VPS8: variants seen among roughly 807,000 people sequenced by gnomAD.
The protein encoded by VPS8 is VPS8 subunit of CORVET complex, also known as vacuolar protein sorting-associated protein 8 homolog.
In VPS8, 129 loss-of-function variants were observed where a neutral mutation model predicts 216.4. The observed-to-expected ratio is 0.60, with a 90% CI of 0.52 to 0.69. The LOEUF (loss-of-function observed/expected upper bound fraction) is 0.69. VPS8 is among the 30% of genes least tolerant of loss of function. The probability of loss-of-function intolerance (pLI) is 0.00; values close to 1 mark genes in which losing one functional copy is unlikely to be tolerated. For synonymous variants in VPS8, 571 were observed against 565.4 expected (o/e 1.01, Z -0.14); for missense variants, 1,531 against 1,683.5 (o/e 0.91, Z 1.59).
chr3:184,996,456 A>G lies in VPS8; in HGVS notation c.3791A>G (p.Gln1264Arg), dbSNP rs1256517421. The G allele has an allele frequency of 1.9e-6, 3 of 1,605,504 alleles. No individual in the cohort carries two copies. The South Asian group carries it at 3.3e-5, about 18-fold the overall frequency. ...KQDYCSICLQ[Q>R]YKRRQEMADE... ...GATTACTGCTCTATATGTTTGCAGC[A>G]GTACAAGAGACGCCAAGAAATGGCT... The change falls in exon 44 of 48, where the codon CAG becomes CGG. Residue 1264 changes from glutamine (Q) to arginine (R), a missense_variant. Transcript: ENST00000625842.
At chr3:184,954,442 C>T (rs1156277523) in intron 36 of VPS8, among the ~76,000 whole-genome samples, 1 of 152,172 alleles carries the variant, frequency 6.6e-6, no homozygotes, top group East Asian at 1.9e-4. Flanking sequence ...GGTTGGCCCT[C>T]CTGACAACCA....
intron 21 of VPS8, among the ~76,000 whole-genome samples, chr3:184,877,050 T>C (rs1160029459): frequency 3.9e-5 from 6 of 152,334 alleles, no homozygotes; most frequent in Middle Eastern, 3.4e-3. Flanking sequence ...ATTGCTGTTA[T>C]ACTAGAGTTC....
chr3:184,946,076 T>C (rs967204789), intron 36 of VPS8, among the ~76,000 whole-genome samples: 1 of 148,548 alleles, frequency 6.7e-6, no homozygotes, highest in Non-Finnish European at 1.5e-5. Context: ...TGGTGTTATC[T>C]ATAGGAGCAG....
intron 22 of VPS8, chr3:184,893,234 G>T: frequency 7.8e-7 from 1 of 1,277,040 alleles, no homozygotes; most frequent in Non-Finnish European, 1.0e-6. Context: ...CCCCTTCCAG[G>T]ACTTCAGATG....
intron 22 of VPS8, among the ~76,000 whole-genome samples, chr3:184,889,121 T>C (rs887392197): frequency 6.6e-6 from 1 of 152,220 alleles, no homozygotes; most frequent in South Asian, 2.1e-4. Flanking sequence ...ATTGACTGTC[T>C]GAGAATGCAA....
chr3:184,929,325 C>A (rs764125553), intron 32 of VPS8, among the ~76,000 whole-genome samples: 1 of 152,178 alleles, frequency 6.6e-6, no homozygotes, highest in African/African-American at 2.4e-5. Context: ...TCCGTAGTAG[C>A]TCAGATGACA....
intron 36 of VPS8, among the ~76,000 whole-genome samples, chr3:184,943,830 G>A (rs754241477): frequency 6.6e-6 from 1 of 152,158 alleles, no homozygotes; most frequent in Non-Finnish European, 1.5e-5. Context: ...GGCCAGGCAC[G>A]GTGGCTCACG....
rs1016743373 is a variant in VPS8 at position 184,858,288 on chromosome 3, T to C, written c.1144-1697T>C. ...AAGGTCCTTTTGGGAAATTTTGGGC[T>C]GCAAGAGTTACACAAGGGAACTTCA... On this transcript the variant is annotated intron_variant, in intron 14 of 47. Transcript: ENST00000625842. Among the ~76,000 whole-genome samples the C allele has an allele frequency of 7.2e-5, 11 of 152,286 alleles. No individual in the cohort carries two copies. In the South Asian group the frequency reaches 2.3e-3, roughly 32 times the overall value.
intron 37 of VPS8, among the ~76,000 whole-genome samples, chr3:184,961,335 T>G (rs1255138169): frequency 6.6e-6 from 1 of 152,252 alleles, no homozygotes; most frequent in Non-Finnish European, 1.5e-5. Context: ...CAGTTGCCTG[T>G]ATTTTCTGCA....
chr3:185,017,064 G>T (rs888909616), intron 45 of VPS8, among the ~76,000 whole-genome samples: 3 of 151,824 alleles, frequency 2.0e-5, no homozygotes, highest in Non-Finnish European at 2.9e-5. Flanking sequence ...TTGCCTTTGA[G>T]GGCTATATAA....
At chr3:184,855,412 G>T (rs1725056815) in intron 13 of VPS8, among the ~76,000 whole-genome samples, 1 of 151,824 alleles carries the variant, frequency 6.6e-6, no homozygotes, top group African/African-American at 2.4e-5. Context: ...ACTTCTTTAG[G>T]TTTTTCCTTT....
intron 3 of VPS8, among the ~76,000 whole-genome samples, chr3:184,829,240 G>A (rs1719467992): frequency 1.3e-5 from 2 of 152,098 alleles, no homozygotes; most frequent in South Asian, 4.1e-4. Context: ...TGAGACAAGA[G>A]TCTCACTCTA....
rs758056368 is a variant in VPS8 at position 184,903,508 on chromosome 3, G to C, written c.2146+2536G>C. 7.9e-5 allele frequency among the ~76,000 whole-genome samples: 12 copies of C among 152,158 alleles called. 1 individual carries two copies. Among genetic ancestry groups the C allele is most frequent in the African/African-American group, 2.9e-4 (12 of 41,450 alleles). On this transcript the variant is annotated intron_variant, in intron 25 of 47. Coordinates refer to ENST00000625842, the MANE Select transcript of VPS8 (RefSeq NM_001009921.3). ...ACTCTGTCAGTCAGGCTGGAGTACA[G>C]TGGTGTGATCACAGTTCATTGCAGC...
intron 8 of VPS8, among the ~76,000 whole-genome samples, chr3:184,844,863 T>C (rs1722835772): frequency 6.6e-6 from 1 of 152,244 alleles, no homozygotes; most frequent in Admixed American, 6.5e-5. Flanking sequence ...ATTACTGTCA[T>C]AAACAGTAAT....
intron 2 of VPS8, among the ~76,000 whole-genome samples, chr3:184,825,602 C>A (rs564446121): frequency 6.6e-6 from 1 of 152,186 alleles, no homozygotes; most frequent in African/African-American, 2.4e-5. Flanking sequence ...TCTTTCAACA[C>A]AAGTTTTCTG....
chr3:185,027,433 G>A (rs1397508342), intron 46 of VPS8, among the ~76,000 whole-genome samples: 9 of 151,002 alleles, frequency 6.0e-5, no homozygotes, highest in East Asian at 3.9e-4. Flanking sequence ...TAGTAGAGAC[G>A]GGGTTTCACT....
chr3:184,942,909 T>G (rs1181074083), intron 36 of VPS8, among the ~76,000 whole-genome samples: 1 of 152,100 alleles, frequency 6.6e-6, no homozygotes, highest in Non-Finnish European at 1.5e-5. Context: ...AGAAAGTAGG[T>G]TAAGAAGGTT....
chr3:184,949,515 G>A (rs940373859), intron 36 of VPS8, among the ~76,000 whole-genome samples: 6 of 151,814 alleles, frequency 4.0e-5, no homozygotes, highest in East Asian at 1.9e-4. Context: ...TCCTATATGC[G>A]GAAATACTGT....
intron 43 of VPS8, 87 bp downstream of exon 43, chr3:184,994,150 AT>A: frequency 1.1e-6 from 1 of 945,096 alleles, no homozygotes; most frequent in African/African-American, 1.7e-5. Context: ...TTAAAAAAAA[AT>A]TACCATCTAT....
Sources: gnomAD v4.1 joint callset for allele counts (sites outside exome capture counted in the v4.1 genomes callset) on GRCh38, gnomAD v4.1.1 for gene constraint, MANE v1.5 for transcripts, NCBI Gene and HGNC (gene_info 2026-07-23, HGNC 2026-07-21) for gene names.